PRKCH: variants seen among roughly 807,000 people sequenced by gnomAD.
PRKCH encodes protein kinase C eta type.
Under a neutral mutation model 82.5 loss-of-function variants are expected in PRKCH, and 28 were observed. The ratio of observed to expected loss-of-function variants is 0.34; its 90% confidence interval spans 0.25 to 0.47. The LOEUF (loss-of-function observed/expected upper bound fraction) is 0.47, where lower values mean the gene tolerates loss of function less well. Among genes scored for constraint, PRKCH ranks in the 20% least tolerant of loss-of-function variants. PRKCH has a pLI of 1.00. For missense variants in PRKCH, 705 were observed against 881.8 expected (o/e 0.80, Z 2.54); for synonymous variants, 322 against 327.4 (o/e 0.98, Z 0.18).
intron 2 of PRKCH, among the ~76,000 whole-genome samples, chr14:61,429,856 C>G (rs1883300550): frequency 6.6e-6 from 1 of 152,152 alleles, no homozygotes; most frequent in Non-Finnish European, 1.5e-5. Flanking sequence ...TGATTTTTGT[C>G]TATCTGCTGG....
intron 9 of PRKCH, among the ~76,000 whole-genome samples, chr14:61,466,808 C>A (rs1407120066): frequency 6.6e-6 from 1 of 152,178 alleles, no homozygotes; most frequent in Non-Finnish European, 1.5e-5. Context: ...GCTCCTCTGC[C>A]TGCTGGGGCG....
In PRKCH at chr14:61,453,246, A is replaced by T; in HGVS notation, c.853A>T (p.Ile285Phe). ...QCKICKMNVH[I>F]RCQANVAPNC... ...TCTAGTATGTAAAATGAATGTGCAT[A>T]TTCGATGTCAAGCGAACGTGGCCCC... Residue 285 changes from isoleucine to phenylalanine, a missense_variant, in exon 7 of 14, where the codon ATT becomes TTT. By Grantham distance (21) the Ile-to-Phe change is conservative. Transcript: ENST00000332981. 3 of 1,614,206 alleles carry T rather than the reference A, an allele frequency of 1.9e-6. No homozygotes were observed. The highest frequency in any genetic ancestry group is 2.5e-6 in the Non-Finnish European group (3 of 1,180,020).
chr14:61,280,434 G>C lies in PRKCH; in HGVS notation c.-19+92766G>C. On this transcript the variant is annotated intron_variant, in intron 1 of 3. Transcript: ENST00000555185. The surrounding 1 kb of genome is among the most constrained non-coding windows in gnomAD (Gnocchi z 5.0). ...TGATGAAGCCGGTGTTGTTGGGGTC[G>C]GGGCTGAGCTCGTAGACTGGCCGGC... The C allele has an allele frequency of 2.5e-6, 4 of 1,614,002 alleles. No individual in the cohort carries two copies. The highest frequency in any genetic ancestry group is 3.4e-6 in the Non-Finnish European group (4 of 1,179,892).
At chr14:61,283,907 A>C (rs2140094873) in intron 1 of PRKCH, among the ~76,000 whole-genome samples, 1 of 152,324 alleles carries the variant, frequency 6.6e-6, no homozygotes, top group Admixed American at 6.5e-5. Context: ...ATGTGTGGAA[A>C]GGGAAGGAGA....
At chr14:61,451,657 T>C (rs1481273053) in intron 6 of PRKCH, among the ~76,000 whole-genome samples, 1 of 152,200 alleles carries the variant, frequency 6.6e-6, no homozygotes, top group Non-Finnish European at 1.5e-5. Flanking sequence ...TGTTAGGAGT[T>C]AGGGAGCTGT....
At chr14:61,271,547 G>A (rs1260522928) in intron 1 of PRKCH, among the ~76,000 whole-genome samples, 2 of 152,174 alleles carry the variant, frequency 1.3e-5, no homozygotes, top group South Asian at 2.1e-4. Flanking sequence ...CTCCTTTAGC[G>A]AGCCTCTCAG....
intron 10 of PRKCH, among the ~76,000 whole-genome samples, chr14:61,504,573 G>A (rs1159200050): frequency 6.6e-6 from 1 of 152,122 alleles, no homozygotes; most frequent in Non-Finnish European, 1.5e-5. Flanking sequence ...CTTTAAGATG[G>A]TAGAACCAAA....
intron 1 of PRKCH, among the ~76,000 whole-genome samples, chr14:61,258,225 C>T (rs1405234552): frequency 1.3e-5 from 2 of 152,074 alleles, no homozygotes; most frequent in African/African-American, 4.8e-5. Context: ...CACAGATTGA[C>T]AGGGAAAGAA....
chr14:61,452,880 C>G, intron 6 of PRKCH: 1 of 258,442 alleles, frequency 3.9e-6, no homozygotes, highest in Non-Finnish European at 7.5e-6. Flanking sequence ...ATTTAATTGC[C>G]TGTGAATTGC....
intron 10 of PRKCH, among the ~76,000 whole-genome samples, chr14:61,527,498 CCTT>C: frequency 6.6e-6 from 1 of 152,270 alleles, no homozygotes; most frequent in East Asian, 1.9e-4. Flanking sequence ...CTGACTAACT[CCTT>C]ATTTTCCATT....
intron 1 of PRKCH, among the ~76,000 whole-genome samples, chr14:61,229,848 CAT>C (rs996140225): frequency 1.3e-5 from 2 of 152,148 alleles, no homozygotes; most frequent in African/African-American, 4.8e-5. Context: ...GGTTAACACA[CAT>C]GTGCACAGAA....
Position 61,321,797 on chromosome 14 carries a change from A to C in PRKCH, c.-305A>C. 1 of 262,876 alleles carries C rather than the reference A, an allele frequency of 3.8e-6. No individual in the cohort carries two copies. Among genetic ancestry groups the C allele is most frequent in the Admixed American group, 4.9e-5 (1 of 20,336 alleles). The allele number at this position is 262,876 out of a possible 1,614,324, so 16.3% of individuals were successfully genotyped here. A position where few individuals can be genotyped will look rare whatever the true frequency, so the allele number is the denominator to read the frequency against. On this transcript the variant is annotated 5_prime_UTR_variant, in exon 1 of 14. Transcript: ENST00000332981. This position sits in a 1 kb window ranked among gnomAD's most constrained non-coding sequence, Gnocchi z 4.1. ...GAGAGGAGCTGCCCGGCCCTGGAGA[A>C]GGGGCGAGTCCTGCGCGAGTCCCCG... is the stretch of plus-strand genomic sequence containing the variant.
chr14:61,355,092 A>G (rs1166470213), intron 1 of PRKCH, among the ~76,000 whole-genome samples: 6 of 152,168 alleles, frequency 3.9e-5, no homozygotes, highest in Admixed American at 1.3e-4. Context: ...TAGAAAATAA[A>G]CCTTTTCCTA....
At chr14:61,372,194 C>T (rs1329296182) in intron 1 of PRKCH, among the ~76,000 whole-genome samples, 1 of 151,994 alleles carries the variant, frequency 6.6e-6, no homozygotes, top group Admixed American at 6.6e-5. Flanking sequence ...TCTCCAGGGA[C>T]CCTGGTTCCT....
chr14:61,356,828 C>T (rs1180796095), intron 1 of PRKCH, among the ~76,000 whole-genome samples: 3 of 152,076 alleles, frequency 2.0e-5, no homozygotes, highest in Non-Finnish European at 4.4e-5. Context: ...ATGACAGGCA[C>T]CTACCACCAC....
At chr14:61,254,459 G>A (rs960224634) in intron 1 of PRKCH, among the ~76,000 whole-genome samples, 5 of 151,934 alleles carry the variant, frequency 3.3e-5, no homozygotes, top group Non-Finnish European at 5.9e-5. Flanking sequence ...ACAAAAAAAT[G>A]TTTTTAATTA....
intron 5 of PRKCH, 125 bp downstream of exon 5, chr14:61,449,377 G>C: frequency 1.3e-6 from 1 of 754,150 alleles, no homozygotes; most frequent in East Asian, 2.8e-5. Flanking sequence ...CCAAACCTCT[G>C]CTTTCCTCCC....
At chr14:61,195,025 C>A (rs181061298) in intron 1 of PRKCH, among the ~76,000 whole-genome samples, 1 of 152,330 alleles carries the variant, frequency 6.6e-6, no homozygotes, top group South Asian at 2.1e-4. Flanking sequence ...TGAGCCACTG[C>A]GCCTGGCCAT....
intron 10 of PRKCH, among the ~76,000 whole-genome samples, chr14:61,510,505 C>T (rs995756518): frequency 1.3e-5 from 2 of 151,960 alleles, no homozygotes; most frequent in South Asian, 2.1e-4. Context: ...AAGATGACTC[C>T]GAGATTTCCA....
Sources: gnomAD v4.1 joint callset for allele counts (sites outside exome capture counted in the v4.1 genomes callset) on GRCh38, gnomAD v4.1.1 for gene constraint, Gnocchi (gnomAD v3.1) non-coding constraint, MANE v1.5 for transcripts, NCBI Gene and HGNC (gene_info 2026-07-23, HGNC 2026-07-21) for gene names.